The following IGFL2 variants were observed in gnomAD, a reference collection of about 807,000 sequenced individuals.
IGFL2 encodes insulin growth factor-like family member 2.
IGFL2 carries 7 observed loss-of-function variants against 13.9 expected under a neutral mutation model. That is an observed-to-expected ratio of 0.51 (90% CI 0.29 to 0.95). IGFL2 has a LOEUF of 0.95. Ranked by LOEUF, IGFL2 falls within the 40% of genes least tolerant of loss-of-function variation. The probability of loss-of-function intolerance (pLI) is 0.08; values close to 1 mark genes in which losing one functional copy is unlikely to be tolerated. For synonymous variants in IGFL2, 55 were observed against 55.8 expected, an observed-to-expected ratio of 0.99 and a Z score of 0.07; for missense variants, 138 against 147.8, an observed-to-expected ratio of 0.93 and a Z score of 0.34.
chr19:46,119,960 G>A, the IGFL2 span: 3 of 257,316 alleles, frequency 1.2e-5, 1 homozygote, highest in African/African-American at 6.9e-5. Flanking sequence ...TGCTCTTTTG[G>A]CTCTGCCATC....
chr19:46,130,052 G>A, the IGFL2 span, among the ~76,000 whole-genome samples: 406 of 150,772 alleles, frequency 2.7e-3, 2 homozygotes, highest in African/African-American at 9.3e-3. Context: ...TCTTGTGTTG[G>A]GTGCATATGT....
At chr19:46,108,877 G>A in the IGFL2 span, among the ~76,000 whole-genome samples, 91 of 152,342 alleles carry the variant, frequency 6.0e-4, no homozygotes, top group African/African-American at 2.0e-3. Context: ...ATTAAGGAAG[G>A]GAGAGATTGA....
intron 1 of IGFL2, among the ~76,000 whole-genome samples, chr19:46,151,797 A>G (rs1973511757): frequency 6.6e-6 from 1 of 152,164 alleles, no homozygotes; most frequent in African/African-American, 2.4e-5. Flanking sequence ...CTGTAGTCCC[A>G]GCTACTTGGG....
At chr19:46,122,667 C>T in the IGFL2 span, among the ~76,000 whole-genome samples, 1 of 150,944 alleles carries the variant, frequency 6.6e-6, no homozygotes, top group East Asian at 2.0e-4. Flanking sequence ...AAGTTACATT[C>T]GGTTACTGTC....
chr19:46,178,810 G>A, the IGFL2 span, among the ~76,000 whole-genome samples: 1 of 151,972 alleles, frequency 6.6e-6, no homozygotes, highest in African/African-American at 2.4e-5. Context: ...TACGTGTATT[G>A]ATTTATGTCT....
At chr19:46,214,009 CGTGCGCCGA>C in the IGFL2 span, 1 of 152,642 alleles carries the variant, frequency 6.6e-6, no homozygotes, top group Non-Finnish European at 1.5e-5. Flanking sequence ...AGGCACCGCG[CGTGCGCCGA>C]GTGGCCTTGC....
the IGFL2 span, among the ~76,000 whole-genome samples, chr19:46,083,978 T>G: frequency 6.6e-6 from 1 of 152,354 alleles, no homozygotes; most frequent in South Asian, 2.1e-4. Flanking sequence ...CCTACAGATT[T>G]TGGTATGTTG....
the IGFL2 span, chr19:46,204,321 T>TGG: frequency 5.4e-4 from 82 of 151,790 alleles, no homozygotes; most frequent in South Asian, 8.4e-4. Context: ...GGCCTGGGAC[T>TGG]GGGGGGGGTT....
downstream of IGFL2, among the ~76,000 whole-genome samples, chr19:46,165,347 A>G (rs1974348088): frequency 6.6e-6 from 1 of 152,234 alleles, no homozygotes; most frequent in African/African-American, 2.4e-5. Flanking sequence ...TACACTACAT[A>G]TCATGCCTTA....
At chr19:46,194,853 T>TATATATA in the IGFL2 span, among the ~76,000 whole-genome samples, 3 of 14,122 alleles carry the variant, frequency 2.1e-4, no homozygotes, top group East Asian at 2.6e-3. Flanking sequence ...TATATATATA[T>TATATATA]TTTTTTTTTT....
At chr19:46,200,506 T>TTTCTTTTCTTTTCTC in the IGFL2 span, among the ~76,000 whole-genome samples, 11 of 147,466 alleles carry the variant, frequency 7.5e-5, no homozygotes, top group East Asian at 1.6e-3. Flanking sequence ...TTTCTTTTCT[T>TTTCTTTTCTTTTCTC]TTCTCTTTTC....
the IGFL2 span, among the ~76,000 whole-genome samples, chr19:46,176,749 C>T: frequency 4.1e-4 from 63 of 152,304 alleles, no homozygotes; most frequent in African/African-American, 1.4e-3. Flanking sequence ...CTGCAGCAGG[C>T]TGCTGTTGAG....
Position 46,160,637 on chromosome 19 carries a change from C to T in IGFL2, c.97C>T (p.Leu33=). The change falls in exon 3 of 4, where the codon CTG becomes TTG. Residue 33 remains leucine, a synonymous_variant. Coordinates refer to ENST00000377693, the MANE Select transcript of IGFL2 (RefSeq NM_001135113.2). The part of the protein sequence containing the change: ...VIAPAGSEPW[L]CQPAPRCGDK... ...AGCTCCCGCTGGCTCAGAACCATGG[C>T]TGTGCCAGCCGGCACCCAGGTGTGG... The T allele has an allele frequency of 6.2e-7, 1 of 1,614,188 alleles. No homozygotes were observed. Among genetic ancestry groups the T allele is most frequent in the Non-Finnish European group, 8.5e-7 (1 of 1,180,008 alleles).
chr19:46,173,883 CAG>C, the IGFL2 span: 2 of 152,224 alleles, frequency 1.3e-5, no homozygotes, highest in Admixed American at 6.5e-5. Flanking sequence ...CAAATCAAAA[CAG>C]AGTTTGGTAC....
chr19:46,134,726 G>A, the IGFL2 span, among the ~76,000 whole-genome samples: 1 of 152,198 alleles, frequency 6.6e-6, no homozygotes, highest in Non-Finnish European at 1.5e-5. Context: ...AGGCAATAAG[G>A]TGAGTGATGG....
In IGFL2 at chr19:46,161,194, G is replaced by A; in HGVS notation, c.*106G>A. On this transcript the variant is annotated 3_prime_UTR_variant, in exon 4 of 4. Coordinates refer to ENST00000377693, the MANE Select transcript of IGFL2 (RefSeq NM_001135113.2). Reference sequence around the variant, plus strand: ...CCTGAGGAATTTACAAAATGATGCAGCTCCAAGCCATTGTATGGCCCATGT... The same window carrying A: ...CCTGAGGAATTTACAAAATGATGCAACTCCAAGCCATTGTATGGCCCATGT... 1.2e-6 allele frequency: 1 copy of A among 811,470 alleles called. No individual in the cohort carries two copies. The highest frequency in any genetic ancestry group is 2.0e-6 in the Non-Finnish European group (1 of 495,308). The allele number at this position is 811,470 out of a possible 1,614,324, so 50.3% of individuals were successfully genotyped here.
At chr19:46,178,412 C>T in the IGFL2 span, among the ~76,000 whole-genome samples, 218 of 152,234 alleles carry the variant, frequency 1.4e-3, no homozygotes, top group Non-Finnish European at 2.7e-3. Context: ...AATATTTTGC[C>T]CCAAAATATA....
downstream of IGFL2, chr19:46,164,774 A>G (rs1568437032): frequency 6.6e-6 from 1 of 152,242 alleles, no homozygotes. Flanking sequence ...CATTACATTG[A>G]TGATATCACT....
chr19:46,160,405 T>A lies in IGFL2; in HGVS notation c.20-10T>A. On this transcript the variant is annotated splice_polypyrimidine_tract_variant and intron_variant, in intron 1 of 3. Transcript: ENST00000377693. Reference sequence around the variant, plus strand: ...AGCCCCATCCTTAACCTCCTTTCTTTCTCTCCCAGCTCCTGCTTATGTGTC... The same window carrying A: ...AGCCCCATCCTTAACCTCCTTTCTTACTCTCCCAGCTCCTGCTTATGTGTC... The A allele has an allele frequency of 6.2e-7, 1 of 1,611,892 alleles. No homozygotes were observed. Among genetic ancestry groups the A allele is most frequent in the Non-Finnish European group, 8.5e-7 (1 of 1,178,822 alleles).
Sources: allele counts gnomAD v4.1 joint callset (sites outside exome capture counted in the v4.1 genomes callset), GRCh38; gene constraint gnomAD v4.1.1; transcripts MANE v1.5; gene names NCBI Gene and HGNC (gene_info 2026-07-23, HGNC 2026-07-21).